The following PTPRM variants were observed in gnomAD, a reference collection of about 807,000 sequenced individuals.
The protein encoded by PTPRM is receptor-type tyrosine-protein phosphatase mu.
Under a neutral mutation model 186.7 loss-of-function variants are expected in PTPRM, and 47 were observed. The observed-to-expected ratio is 0.25, with a 90% CI of 0.20 to 0.32. The LOEUF is 0.32. PTPRM is among the 10% of genes least tolerant of loss of function. PTPRM has a pLI of 1.00. For synonymous variants in PTPRM, 668 were observed against 674.9 expected, an observed-to-expected ratio of 0.99 and a Z score of 0.16; for missense variants, 1,494 against 1,865.0, an observed-to-expected ratio of 0.80 and a Z score of 3.66.
chr18:7,719,641 C>G (rs1274159036), intron 1 of PTPRM, among the ~76,000 whole-genome samples: 2 of 152,098 alleles, frequency 1.3e-5, no homozygotes, highest in East Asian at 3.9e-4. Context: ...ATAAGGTCAG[C>G]ATAATACTTA....
chr18:7,761,976 T>C (rs187077767), intron 1 of PTPRM, among the ~76,000 whole-genome samples: 1 of 152,308 alleles, frequency 6.6e-6, no homozygotes, highest in East Asian at 1.9e-4. Flanking sequence ...CAGTAAACAG[T>C]TTTTATTCTT....
intron 21 of PTPRM, among the ~76,000 whole-genome samples, chr18:8,316,140 C>T (rs990763747): frequency 3.3e-5 from 5 of 152,184 alleles, no homozygotes; most frequent in Admixed American, 3.3e-4. Flanking sequence ...AGTCCACTTA[C>T]CTCCAGGCCA....
At chr18:7,730,685 T>C (rs2040640509) in intron 1 of PTPRM, among the ~76,000 whole-genome samples, 1 of 152,204 alleles carries the variant, frequency 6.6e-6, no homozygotes, top group Non-Finnish European at 1.5e-5. Context: ...TAGTAAATTC[T>C]TTCCCTAAAG....
At chr18:7,975,239 G>A (rs1487909941) in intron 7 of PTPRM, among the ~76,000 whole-genome samples, 1 of 152,196 alleles carries the variant, frequency 6.6e-6, no homozygotes, top group Non-Finnish European at 1.5e-5. Flanking sequence ...TACTCTTACT[G>A]TACAATCCAG....
intron 1 of PTPRM, among the ~76,000 whole-genome samples, chr18:7,683,163 A>AT (rs761087539): frequency 0.023 from 2,862 of 123,352 alleles, 110 homozygotes; most frequent in African/African-American, 0.075. Flanking sequence ...TTGGCTTGCC[A>AT]TTTTTTTTTT....
chr18:8,170,420 G>A lies in PTPRM; in HGVS notation c.2300+26641G>A, dbSNP rs184377411. Among the ~76,000 whole-genome samples, 8 of 151,270 alleles carry A rather than the reference G, an allele frequency of 5.3e-5. No homozygotes were observed. In the East Asian group the frequency reaches 9.8e-4, roughly 18 times the overall value. ...CAGTAAATTTGTAAATGAGCTGAGC[G>A]TTTGTTGTTATTAAAGCTTCATTTT... is the stretch of plus-strand genomic sequence containing the variant. On this transcript the variant is annotated intron_variant, in intron 14 of 32. Transcript: ENST00000580170.
At chr18:7,619,872 G>T (rs2037895803) in intron 1 of PTPRM, among the ~76,000 whole-genome samples, 2 of 152,158 alleles carry the variant, frequency 1.3e-5, no homozygotes, top group African/African-American at 4.8e-5. Context: ...AAGCAGGAAA[G>T]CTCGTGCTTG....
intron 5 of PTPRM, among the ~76,000 whole-genome samples, chr18:7,933,091 TTACTA>T (rs1388102151): frequency 1.4e-4 from 22 of 152,162 alleles, no homozygotes; most frequent in African/African-American, 5.1e-4. Context: ...TACCCAGTAG[TTACTA>T]AGGAGGTGTC....
chr18:7,908,820 C>G (rs993715070), intron 4 of PTPRM, among the ~76,000 whole-genome samples: 1 of 152,188 alleles, frequency 6.6e-6, no homozygotes, highest in African/African-American at 2.4e-5. Flanking sequence ...ATTACCTGAG[C>G]TGGAACTCAG....
rs535125644 is a variant in PTPRM at position 7,584,360 on chromosome 18, C to T, written c.73+16469C>T. ...AGAGATAAAATGAGGTGTTTGTCGT[C>T]GATTGTTAGGGATGAGAAAGACCTC... On this transcript the variant is annotated intron_variant, in intron 1 of 32. Transcript: ENST00000580170. 1.1e-3 allele frequency among the ~76,000 whole-genome samples: 170 copies of T among 152,208 alleles called. 1 individual carries two copies. In the South Asian group the frequency reaches 0.021, roughly 19 times the overall value.
intron 11 of PTPRM, among the ~76,000 whole-genome samples, chr18:8,111,565 A>T (rs2091756919): frequency 6.6e-6 from 1 of 152,070 alleles, no homozygotes; most frequent in South Asian, 2.1e-4. Context: ...GTGAGCCAAG[A>T]TCGTGCCACT....
intron 13 of PTPRM, among the ~76,000 whole-genome samples, chr18:8,133,257 A>C (rs2092557537): frequency 6.6e-6 from 1 of 152,110 alleles, no homozygotes; most frequent in African/African-American, 2.4e-5. Flanking sequence ...GGACATTCAA[A>C]CCACAGTAGA....
intron 23 of PTPRM, among the ~76,000 whole-genome samples, chr18:8,360,539 A>G (rs1009014259): frequency 3.3e-5 from 5 of 152,318 alleles, no homozygotes; most frequent in Admixed American, 1.3e-4. Flanking sequence ...GCTGAGTTCC[A>G]AAAGTGGACT....
chr18:7,629,372 C>G (rs2038137471), intron 1 of PTPRM, among the ~76,000 whole-genome samples: 1 of 152,184 alleles, frequency 6.6e-6, no homozygotes, highest in African/African-American at 2.4e-5. Context: ...ACCTGCTCAT[C>G]AGAATGATCC....
intron 4 of PTPRM, among the ~76,000 whole-genome samples, chr18:7,908,998 C>G (rs569027525): frequency 6.6e-6 from 1 of 152,358 alleles, no homozygotes; most frequent in African/African-American, 2.4e-5. Context: ...GTCTGCCTCC[C>G]TGTTTCTTAG....
intron 23 of PTPRM, among the ~76,000 whole-genome samples, chr18:8,347,900 G>T (rs755437138): frequency 4.6e-5 from 7 of 152,150 alleles, no homozygotes; most frequent in African/African-American, 1.4e-4. Flanking sequence ...CCCTTGGATG[G>T]GCCTGACTTT....
intron 14 of PTPRM, among the ~76,000 whole-genome samples, chr18:8,188,426 T>C (rs2093669522): frequency 6.6e-6 from 1 of 152,246 alleles, no homozygotes; most frequent in African/African-American, 2.4e-5. Flanking sequence ...TGCTCTGTGA[T>C]GAATCACGGA....
chr18:7,689,693 A>G (rs2039691480), intron 1 of PTPRM, among the ~76,000 whole-genome samples: 1 of 152,250 alleles, frequency 6.6e-6, no homozygotes. Context: ...TGAAAAAATA[A>G]GCAACAAGTA....
In PTPRM at chr18:7,834,528, A is replaced by ACACACACT. The variant is rs763752808; in HGVS notation, c.197-53577_197-53576insACACACTC. Among the ~76,000 whole-genome samples, 635 of 146,210 alleles carry ACACACACT rather than the reference A, an allele frequency of 4.3e-3. 11 individuals are homozygous for ACACACACT. The highest frequency in any genetic ancestry group is 0.013 in the African/African-American group (511 of 38,544). ...CACACACACACACACACACACACAC[A>ACACACACT]CTTCCAGACTCATTCTTTCAGGTCA... On this transcript the variant is annotated intron_variant, in intron 2 of 32. Transcript: ENST00000580170.
Sources: allele counts gnomAD v4.1 joint callset (sites outside exome capture counted in the v4.1 genomes callset), GRCh38; gene constraint gnomAD v4.1.1; transcripts MANE v1.5; gene names NCBI Gene and HGNC (gene_info 2026-07-23, HGNC 2026-07-21).